Variants in TLN2 observed in about 807,000 individuals in gnomAD.
The protein encoded by TLN2 is talin-2.
In TLN2, 118 loss-of-function variants were observed where a neutral mutation model predicts 294.7. The observed-to-expected ratio is 0.40, with a 90% CI of 0.34 to 0.47. The LOEUF (loss-of-function observed/expected upper bound fraction) is 0.47, where lower values mean the gene tolerates loss of function less well. Among genes scored for constraint, TLN2 ranks in the 20% least tolerant of loss-of-function variants. TLN2 has a pLI of 0.84. For missense variants in TLN2, 3,083 were observed against 3,282.2 expected, an observed-to-expected ratio of 0.94 and a Z score of 1.48; for synonymous variants, 1,431 against 1,304.5, an observed-to-expected ratio of 1.10 and a Z score of -2.09.
chr15:62,407,947 T>C (rs199717642), intron 1 of TLN2, among the ~76,000 whole-genome samples: 1 of 85,796 alleles, frequency 1.2e-5, no homozygotes, highest in Non-Finnish European at 2.7e-5. Flanking sequence ...AATAAATAAA[T>C]AAATAAATAA....
chr15:62,600,756 G>T (rs1032549114), intron 2 of TLN2, among the ~76,000 whole-genome samples: 6 of 152,326 alleles, frequency 3.9e-5, no homozygotes, highest in East Asian at 3.9e-4. Context: ...TTCTGAGCCA[G>T]TCTTTCTTCT....
intron 1 of TLN2, among the ~76,000 whole-genome samples, chr15:62,477,263 A>G (rs551586905): frequency 6.6e-6 from 1 of 152,362 alleles, no homozygotes; most frequent in East Asian, 1.9e-4. Context: ...CTGCATTTCT[A>G]ACAAGATACA....
chr15:62,685,346 A>T (rs556800737), intron 11 of TLN2, among the ~76,000 whole-genome samples: 1 of 152,182 alleles, frequency 6.6e-6, no homozygotes, highest in Admixed American at 6.5e-5. Flanking sequence ...GAAAACTTGG[A>T]TTGTTTCATC....
At chr15:62,581,827 T>G (rs762881506) in intron 1 of TLN2, among the ~76,000 whole-genome samples, 1 of 151,988 alleles carries the variant, frequency 6.6e-6, no homozygotes, top group Non-Finnish European at 1.5e-5. Context: ...GCAGATCACC[T>G]GAGATTAGGA....
intron 51 of TLN2, 134 bp from the exon 52 acceptor site, chr15:62,809,791 G>A: frequency 1.3e-6 from 1 of 745,418 alleles, no homozygotes; most frequent in East Asian, 2.7e-5. Flanking sequence ...GTAGAGGAGA[G>A]ATACCTCTTC....
intron 12 of TLN2, chr15:62,690,348 G>C (rs1399865882): frequency 1.3e-5 from 2 of 157,426 alleles, no homozygotes; most frequent in African/African-American, 2.6e-5. Flanking sequence ...CGGCCGGGCA[G>C]AGGCGCTCCT....
intron 2 of TLN2, among the ~76,000 whole-genome samples, chr15:62,607,802 C>T (rs2047579703): frequency 6.6e-6 from 1 of 152,138 alleles, no homozygotes; most frequent in South Asian, 2.1e-4. Context: ...TTTCTGAGTT[C>T]ACCATCCACA....
rs2061137124 is a variant in TLN2, at chr15:62,738,276, T to C, written c.3630T>C (p.Asp1210=). 1.2e-6 allele frequency: 2 copies of C among 1,614,034 alleles called. No homozygotes were observed. Among genetic ancestry groups the C allele is most frequent in the Non-Finnish European group, 1.7e-6 (2 of 1,180,010 alleles). ...NCVNCLPGQK[D]VDVALKSIGE... is the part of the protein sequence containing the mutation. ...TAAATTGCCTCCCTGGGCAGAAGGA[T>C]GTGGACGTGGCCTTGAAGAGCATCG... Residue 1210 remains aspartate, a synonymous_variant, in exon 30 of 59, where the codon GAT becomes GAC. Coordinates refer to ENST00000636159, the MANE Select transcript of TLN2 (RefSeq NM_015059.3).
At chr15:62,799,687 A>C (rs531587965) in intron 48 of TLN2, among the ~76,000 whole-genome samples, 1 of 152,358 alleles carries the variant, frequency 6.6e-6, no homozygotes, top group East Asian at 1.9e-4. Context: ...TAAGTGAATA[A>C]ATGATAAAAT....
chr15:62,568,988 C>CT (rs777715933), intron 1 of TLN2, among the ~76,000 whole-genome samples: 17 of 152,294 alleles, frequency 1.1e-4, no homozygotes, highest in Admixed American at 4.6e-4. Context: ...ATCAGGGTGT[C>CT]TGTCGGGCCA....
At chr15:62,817,682 T>C (rs1252798994) in intron 52 of TLN2, among the ~76,000 whole-genome samples, 2 of 152,166 alleles carry the variant, frequency 1.3e-5, no homozygotes, top group Admixed American at 6.5e-5. Context: ...CTTTCCAGAT[T>C]CCTGAGAAAG....
At chr15:62,820,720 A>G in intron 54 of TLN2, 110 bp downstream of exon 54, 1 of 1,408,976 alleles carries the variant, frequency 7.1e-7, no homozygotes, top group Non-Finnish European at 9.5e-7. Flanking sequence ...CCTTATGGTC[A>G]GACTAGCAAG....
At chr15:62,517,162 C>T (rs749412143) in intron 1 of TLN2, among the ~76,000 whole-genome samples, 1 of 152,200 alleles carries the variant, frequency 6.6e-6, no homozygotes, top group Non-Finnish European at 1.5e-5. Context: ...CAAACCTTCG[C>T]CGTTCCTCCC....
chr15:62,512,351 CT>C (rs2039977365), intron 1 of TLN2, among the ~76,000 whole-genome samples: 1 of 152,152 alleles, frequency 6.6e-6, no homozygotes, highest in Non-Finnish European at 1.5e-5. Flanking sequence ...TCTGCTCTCT[CT>C]TAGTGGAAAA....
At chr15:62,626,135 G>C (rs1312787325) in intron 3 of TLN2, among the ~76,000 whole-genome samples, 1 of 152,126 alleles carries the variant, frequency 6.6e-6, no homozygotes, top group Non-Finnish European at 1.5e-5. Flanking sequence ...AGCAAATATA[G>C]GTACATAGAA....
chr15:62,840,875 C>T lies in TLN2; in HGVS notation c.*265C>T, dbSNP rs1388084633. On this transcript the variant is annotated 3_prime_UTR_variant, in exon 59 of 59. Coordinates refer to ENST00000636159, the MANE Select transcript of TLN2 (RefSeq NM_015059.3). ...TCTCAGGAGAGAGGGGTGCACGTTT[C>T]ATGGACTGTTACCAACAAAGAAAAG... 1 of 406,028 alleles carries T rather than the reference C, an allele frequency of 2.5e-6. No homozygotes were observed. The highest frequency in any genetic ancestry group is 2.0e-5 in the African/African-American group (1 of 50,010). The allele number at this position is 406,028 out of a possible 1,614,324, so 25.2% of individuals were successfully genotyped here.
chr15:62,816,277 G>T (rs770365726), intron 52 of TLN2, among the ~76,000 whole-genome samples: 1 of 152,166 alleles, frequency 6.6e-6, no homozygotes, highest in Non-Finnish European at 1.5e-5. Flanking sequence ...CTGTTTGCTC[G>T]TTTATCATAG....
At chr15:62,582,246 A>ACACACACACCCACACC (rs764248336) in intron 1 of TLN2, among the ~76,000 whole-genome samples, 1 of 137,240 alleles carries the variant, frequency 7.3e-6, no homozygotes, top group South Asian at 2.5e-4. Flanking sequence ...ACACACACAC[A>ACACACACACCCACACC]CATTCATGCC....
At chr15:62,555,801 C>T (rs2042570611) in intron 1 of TLN2, among the ~76,000 whole-genome samples, 1 of 152,040 alleles carries the variant, frequency 6.6e-6, no homozygotes, top group Admixed American at 6.6e-5. Flanking sequence ...TATTTGCTTT[C>T]TATACTCTCC....
Sources: gnomAD v4.1 joint callset for allele counts (sites outside exome capture counted in the v4.1 genomes callset) on GRCh38, gnomAD v4.1.1 for gene constraint, MANE v1.5 for transcripts, NCBI Gene and HGNC (gene_info 2026-07-23, HGNC 2026-07-21) for gene names.